STK10: variants seen among roughly 807,000 people sequenced by gnomAD.
STK10 encodes serine/threonine kinase 10.
Under a neutral mutation model 113.8 loss-of-function variants are expected in STK10, and 78 were observed. The ratio of observed to expected loss-of-function variants is 0.69; its 90% CI spans 0.57 to 0.83. STK10 has a LOEUF of 0.83. Ranked by LOEUF, STK10 falls within the 40% of genes least tolerant of loss-of-function variation. The probability of loss-of-function intolerance (pLI) is 0.00; values close to 1 mark genes in which losing one functional copy is unlikely to be tolerated. For synonymous variants in STK10, 465 were observed against 494.7 expected (o/e 0.94, Z 0.80); for missense variants, 1,109 against 1,280.1 (o/e 0.87, Z 2.04).
chr5:172,077,823 G>A (rs11956066), intron 12 of STK10, among the ~76,000 whole-genome samples: 6,293 of 151,776 alleles, frequency 0.041, 464 homozygotes, highest in African/African-American at 0.14. Context: ...TGATTGGATC[G>A]TAGGGAAATG....
rs1256489059 is a variant in STK10, at chr5:172,096,511, A to G, written c.920T>C (p.Val307Ala). The change falls in exon 8 of 19, where the codon GTG (valine) becomes GCG (alanine). Residue 307 changes from valine to alanine, a missense_variant. By Grantham distance (64) the Val-to-Ala change is moderately conservative. Coordinates refer to ENST00000176763, the MANE Select transcript of STK10 (RefSeq NM_005990.4). ...ITSNKALREL[V>A]AEAKAEVMEE... is the part of the protein sequence containing the mutation. ...CATCACCTCGGCCTTGGCCTCAGCC[A>G]CCAGCTCCCGCAGAGCCTTGTTACT... The G allele has an allele frequency of 6.2e-7, 1 of 1,613,696 alleles. No individual in the cohort carries two copies. The highest frequency in any genetic ancestry group is 8.5e-7 in the Non-Finnish European group (1 of 1,180,012).
intron 12 of STK10, among the ~76,000 whole-genome samples, chr5:172,074,952 C>T (rs10062822): frequency 1.3e-5 from 2 of 151,308 alleles, no homozygotes; most frequent in African/African-American, 4.9e-5. Context: ...CCACGAGCTG[C>T]AGGGTGCAAG....
chr5:172,052,476 G>A (rs1442116905), intron 18 of STK10, among the ~76,000 whole-genome samples: 3 of 152,218 alleles, frequency 2.0e-5, no homozygotes, highest in East Asian at 1.9e-4. Context: ...CCATCACTAG[G>A]AGAGAGTAAA....
At chr5:172,149,500 G>GTGTGTGTGTGTGTGTGTGTC (rs1554122678) in intron 2 of STK10, among the ~76,000 whole-genome samples, 247 of 130,158 alleles carry the variant, frequency 1.9e-3, no homozygotes, top group Non-Finnish European at 2.9e-3. Context: ...GTGCTCGTGT[G>GTGTGTGTGTGTGTGTGTGTC]TGTGTGTGTG....
chr5:172,093,604 G>A lies in STK10; in HGVS notation c.1362C>T (p.Ser454=), dbSNP rs1245901111. Residue 454 remains serine (S), a synonymous_variant, in exon 9 of 19, where the codon AGC becomes AGT. Transcript: ENST00000176763. The surrounding 1 kb of genome is among the most constrained non-coding windows in gnomAD (Gnocchi z 4.1). The part of the protein sequence containing the change: ...SQKASQSRPN[S]SALETLGGEK... ...CCCCACCCAAGGTCTCCAGGGCGCT[G>A]CTGTTGGGCCGGCTCTGGCTGGCCT... The A allele has an allele frequency of 6.2e-7, 1 of 1,614,258 alleles. No homozygotes were observed. Among genetic ancestry groups the A allele is most frequent in the Non-Finnish European group, 8.5e-7 (1 of 1,180,038 alleles).
chr5:172,049,222 C>T (rs1767572705), intron 18 of STK10, among the ~76,000 whole-genome samples: 1 of 152,076 alleles, frequency 6.6e-6, no homozygotes, highest in South Asian at 2.1e-4. Flanking sequence ...AGCAGGTGTT[C>T]AAGAAATATG....
At chr5:172,178,365 C>A (rs1352646054) in intron 1 of STK10, among the ~76,000 whole-genome samples, 2 of 152,132 alleles carry the variant, frequency 1.3e-5, no homozygotes, top group Non-Finnish European at 2.9e-5. Context: ...TTCCTTCCCT[C>A]CACCTTATCA....
intron 1 of STK10, among the ~76,000 whole-genome samples, chr5:172,159,112 T>C (rs114591030): frequency 0.028 from 4,194 of 152,264 alleles, 91 homozygotes; most frequent in Middle Eastern, 0.054. Flanking sequence ...TCCCACCCCA[T>C]TGCACACAAG....
chr5:172,063,268 A>AG (rs1767974304), intron 13 of STK10, among the ~76,000 whole-genome samples: 1 of 151,762 alleles, frequency 6.6e-6, no homozygotes, highest in African/African-American at 2.4e-5. Flanking sequence ...AAAAAAAAAA[A>AG]CTGGGATGAA....
At position 172,072,039 on chromosome 5, in the gene STK10, T is replaced by C. The variant is rs144728780; in HGVS notation, c.1990-7227A>G. Among the ~76,000 whole-genome samples, 386 of 152,188 alleles carry C rather than the reference T, an allele frequency of 2.5e-3. 3 individuals carry two copies. The highest frequency in any genetic ancestry group is 8.5e-3 in the African/African-American group (352 of 41,502). ...TATCAGCAAATTGAGTCCAGTAATA[T>C]ATAAAAAGGAAAATATACAATAACC... On this transcript the variant is annotated intron_variant, in intron 12 of 18. Transcript: ENST00000176763.
At chr5:172,185,723 T>C (rs1407846504) in intron 1 of STK10, among the ~76,000 whole-genome samples, 1 of 152,210 alleles carries the variant, frequency 6.6e-6, no homozygotes, top group Non-Finnish European at 1.5e-5. Context: ...TCAAGGACAC[T>C]GGCAGTGTCC....
At position 172,042,386 on chromosome 5, in the gene STK10, A is replaced by G. The variant is rs1464947833; in HGVS notation, c.*2496T>C. On this transcript the variant is annotated 3_prime_UTR_variant, in exon 19 of 19. Transcript: ENST00000176763. ...GTGACCCCGCCAGTCCCCATCCAGA[A>G]AAGCACAGGGGAGCTCTGAGGGCTC... 6.6e-6 allele frequency: 1 copy of G among 152,660 alleles called. No homozygotes were observed. The highest frequency in any genetic ancestry group is 1.5e-5 in the Non-Finnish European group (1 of 68,060). 9.5% of individuals were successfully genotyped at this position (152,660 alleles called of 1,614,324 possible).
At chr5:172,148,395 AAGGG>A (rs1403914156) in intron 2 of STK10, among the ~76,000 whole-genome samples, 1 of 152,104 alleles carries the variant, frequency 6.6e-6, no homozygotes, top group Non-Finnish European at 1.5e-5. Flanking sequence ...ACCTGACAGG[AAGGG>A]CTACATGGAC....
In STK10 at chr5:172,082,581, G is replaced by A; in HGVS notation, c.1810-76C>T. On this transcript the variant is annotated intron_variant, in intron 11 of 18. Transcript: ENST00000176763. The surrounding 1 kb of genome is among the most constrained non-coding windows in gnomAD (Gnocchi z 4.3). ...GGAGGGACATGGGAAGTGGAATGGGGAGAACTCAGAGCTTGTGATCAGACC... is the reference window on the plus strand; with the variant it reads ...GGAGGGACATGGGAAGTGGAATGGGAAGAACTCAGAGCTTGTGATCAGACC... 1 of 1,483,870 alleles carries A rather than the reference G, an allele frequency of 6.7e-7. No individual in the cohort carries two copies. The highest frequency in any genetic ancestry group is 9.0e-7 in the Non-Finnish European group (1 of 1,109,694). 91.9% of individuals were successfully genotyped at this position (1,483,870 alleles called of 1,614,324 possible).
chr5:172,180,255 G>C (rs1311134000), intron 1 of STK10, among the ~76,000 whole-genome samples: 2 of 152,252 alleles, frequency 1.3e-5, no homozygotes, highest in East Asian at 1.9e-4. Flanking sequence ...CCAGAAGTCA[G>C]GAGTTCAAGA....
chr5:172,131,622 C>T (rs1421394204), intron 2 of STK10, among the ~76,000 whole-genome samples: 4 of 152,160 alleles, frequency 2.6e-5, no homozygotes, highest in Admixed American at 2.6e-4. Context: ...GACTCCCAGG[C>T]CTTACTTGCT....
chr5:172,156,876 G>C, intron 1 of STK10, 88 bp from the exon 2 acceptor site: 1 of 1,457,926 alleles, frequency 6.9e-7, no homozygotes, highest in Non-Finnish European at 9.3e-7. Context: ...GCATGAGTGT[G>C]AAAACAGAGG....
intron 2 of STK10, among the ~76,000 whole-genome samples, chr5:172,132,768 G>A (rs577163968): frequency 8.6e-4 from 131 of 152,296 alleles, no homozygotes; most frequent in African/African-American, 2.9e-3. Flanking sequence ...AAAGTAGTAT[G>A]TGATCAACAA....
At chr5:172,104,472 C>T (rs1481951320) in intron 7 of STK10, among the ~76,000 whole-genome samples, 1 of 152,238 alleles carries the variant, frequency 6.6e-6, no homozygotes, top group Non-Finnish European at 1.5e-5. Context: ...TATCCACCTG[C>T]CCATTCTAAG....
Sources: allele counts gnomAD v4.1 joint callset (sites outside exome capture counted in the v4.1 genomes callset), GRCh38; gene constraint gnomAD v4.1.1; non-coding constraint Gnocchi (gnomAD v3.1); transcripts MANE v1.5; gene names NCBI Gene and HGNC (gene_info 2026-07-23, HGNC 2026-07-21).